The following GALNT14 variants were observed in gnomAD, a reference collection of about 807,000 sequenced individuals.
GALNT14 encodes polypeptide N-acetylgalactosaminyltransferase 14.
In GALNT14, 60 loss-of-function variants were observed where a neutral mutation model predicts 77.5. The ratio of observed to expected loss-of-function variants is 0.77; its 90% CI spans 0.63 to 0.96. The LOEUF (loss-of-function observed/expected upper bound fraction) is 0.96. Ranked by LOEUF, GALNT14 falls within the 40% of genes least tolerant of loss-of-function variation. The pLI is 0.00. For synonymous variants in GALNT14, 280 were observed against 281.7 expected (o/e 0.99, Z 0.06); for missense variants, 710 against 731.0 (o/e 0.97, Z 0.33).
intron 1 of GALNT14, among the ~76,000 whole-genome samples, chr2:31,006,357 T>A (rs542773534): frequency 6.6e-6 from 1 of 152,192 alleles, no homozygotes; most frequent in South Asian, 2.1e-4. Context: ...CTGCAACTAA[T>A]AGTGGTGTAG....
intron 1 of GALNT14, among the ~76,000 whole-genome samples, chr2:31,104,936 T>C (rs961809930): frequency 2.6e-5 from 4 of 152,230 alleles, no homozygotes; most frequent in African/African-American, 9.7e-5. Flanking sequence ...TGGGAAGCTT[T>C]ACTAATATTG....
chr2:30,946,278 A>C (rs1666691179), intron 6 of GALNT14, among the ~76,000 whole-genome samples: 1 of 152,280 alleles, frequency 6.6e-6, no homozygotes, highest in Non-Finnish European at 1.5e-5. Flanking sequence ...CTGTGTCCCC[A>C]ATCAAATCTC....
chr2:30,994,139 T>A (rs768565963), intron 1 of GALNT14, among the ~76,000 whole-genome samples: 4 of 152,210 alleles, frequency 2.6e-5, no homozygotes, highest in Non-Finnish European at 5.9e-5. Context: ...CAGGTTCTGA[T>A]TGGAACATGA....
chr2:30,980,631 C>T (rs1006649307), intron 2 of GALNT14, among the ~76,000 whole-genome samples: 2 of 152,190 alleles, frequency 1.3e-5, no homozygotes, highest in Non-Finnish European at 2.9e-5. Flanking sequence ...TGTCAAAGCT[C>T]ACAGGGCTAG....
intron 1 of GALNT14, among the ~76,000 whole-genome samples, chr2:31,000,509 G>A (rs531119878): frequency 5.3e-5 from 8 of 151,340 alleles, no homozygotes; most frequent in Non-Finnish European, 1.0e-4. Flanking sequence ...TTGATTGATT[G>A]GCTGATTGAT....
chr2:31,030,372 C>T (rs1672332454), intron 1 of GALNT14, among the ~76,000 whole-genome samples: 1 of 152,106 alleles, frequency 6.6e-6, no homozygotes, highest in African/African-American at 2.4e-5. Context: ...TTTTGCTAAA[C>T]ATACCATTCT....
In GALNT14 at chr2:30,944,875, G is replaced by T. The variant is rs777482134; in HGVS notation, c.810C>A (p.Asp270Glu). The T allele has an allele frequency of 1.2e-6, 2 of 1,609,554 alleles. No homozygotes were observed. The highest frequency in any genetic ancestry group is 2.2e-5 in the South Asian group (2 of 90,486). Residue 270 changes from aspartate to glutamate, a missense_variant, in exon 8 of 15, where the codon GAC (aspartate) becomes GAA (glutamate). Asp to Glu is a conservative substitution (Grantham distance 45, BLOSUM62 2). Coordinates refer to ENST00000349752, the MANE Select transcript of GALNT14 (RefSeq NM_024572.4). ...CCACTTACCTGATGGGCTCCGTGGG[G>T]TCCAGGCGCCGAGCCTTCTGCTCTG... ...LSPEQKARRLDPTEPIRTPII... is the reference protein window; with the variant it reads ...LSPEQKARRLEPTEPIRTPII...
chr2:30,959,676 AT>A (rs1396897417), intron 3 of GALNT14, among the ~76,000 whole-genome samples: 1 of 152,188 alleles, frequency 6.6e-6, no homozygotes, highest in East Asian at 1.9e-4. Context: ...AATGGTTGCA[AT>A]TTTTTATTAT....
intron 1 of GALNT14, among the ~76,000 whole-genome samples, chr2:31,033,509 G>T (rs1672537012): frequency 6.6e-6 from 1 of 151,958 alleles, no homozygotes; most frequent in Non-Finnish European, 1.5e-5. Flanking sequence ...TGCTATTTTT[G>T]CTTCCTTCAT....
At chr2:31,119,309 T>C (rs12611788) in intron 1 of GALNT14, among the ~76,000 whole-genome samples, 44,456 of 152,038 alleles carry the variant, frequency 0.29, 7,381 homozygotes, top group Admixed American at 0.38. Context: ...ATCTGCAACA[T>C]ATATGACTAA....
At chr2:31,060,485 A>G (rs1674522657) in intron 1 of GALNT14, among the ~76,000 whole-genome samples, 1 of 152,232 alleles carries the variant, frequency 6.6e-6, no homozygotes, top group Non-Finnish European at 1.5e-5. Context: ...AGGCAATTCC[A>G]TTCTGAATAG....
At chr2:31,120,328 G>T (rs1184310246) in intron 1 of GALNT14, among the ~76,000 whole-genome samples, 2 of 152,044 alleles carry the variant, frequency 1.3e-5, no homozygotes, top group Non-Finnish European at 2.9e-5. Flanking sequence ...TTACAAACTG[G>T]TTACACAATG....
intron 1 of GALNT14, among the ~76,000 whole-genome samples, chr2:31,031,315 G>C (rs1672396840): frequency 6.6e-6 from 1 of 152,098 alleles, no homozygotes. Context: ...TCAAGCAGGT[G>C]ACAGGGGAAC....
chr2:30,943,426 T>C (rs1418589926), intron 8 of GALNT14, among the ~76,000 whole-genome samples: 1 of 152,180 alleles, frequency 6.6e-6, no homozygotes, highest in Admixed American at 6.5e-5. Context: ...AAGTAATTGA[T>C]GGACAGCTGG....
At chr2:30,920,336 T>C (rs1253924915) in intron 13 of GALNT14, among the ~76,000 whole-genome samples, 1 of 152,296 alleles carries the variant, frequency 6.6e-6, no homozygotes, top group Non-Finnish European at 1.5e-5. Context: ...TTCCCTGATA[T>C]GGCCTCTCAG....
intron 1 of GALNT14, among the ~76,000 whole-genome samples, chr2:31,037,435 A>G (rs2148491857): frequency 6.6e-6 from 1 of 152,296 alleles, no homozygotes; most frequent in East Asian, 1.9e-4. Flanking sequence ...TAGTTATTTG[A>G]ACATATTTTA....
intron 6 of GALNT14, among the ~76,000 whole-genome samples, chr2:30,947,517 G>A (rs551593295): frequency 6.6e-6 from 1 of 152,280 alleles, no homozygotes; most frequent in Non-Finnish European, 1.5e-5. Flanking sequence ...TGTACCTGAT[G>A]TGCAGTGAGG....
intron 2 of GALNT14, among the ~76,000 whole-genome samples, chr2:30,975,694 T>C (rs560306736): frequency 6.6e-6 from 1 of 152,312 alleles, no homozygotes; most frequent in East Asian, 1.9e-4. Flanking sequence ...CTTTAATTGG[T>C]ATATAATACA....
At chr2:30,963,390 T>C (rs1667809567) in intron 3 of GALNT14, among the ~76,000 whole-genome samples, 1 of 152,226 alleles carries the variant, frequency 6.6e-6, no homozygotes, top group South Asian at 2.1e-4. Context: ...AGAAGGAATG[T>C]GTTCTGCAGG....
Sources: gnomAD v4.1 joint callset for allele counts (sites outside exome capture counted in the v4.1 genomes callset) on GRCh38, gnomAD v4.1.1 for gene constraint, MANE v1.5 for transcripts, NCBI Gene and HGNC (gene_info 2026-07-23, HGNC 2026-07-21) for gene names.